The following IGF2R variants were observed in gnomAD, a reference collection of about 807,000 sequenced individuals.
IGF2R encodes insulin like growth factor 2 receptor, also known as cation-independent mannose-6-phosphate receptor.
In IGF2R, 91 loss-of-function variants were observed where a neutral mutation model predicts 270.6. That is an observed-to-expected ratio of 0.34 (90% confidence interval 0.28 to 0.40). IGF2R has a LOEUF of 0.40. Ranked by LOEUF, IGF2R falls within the 10% of genes least tolerant of loss-of-function variation. IGF2R has a pLI of 1.00. For synonymous variants in IGF2R, 1,316 were observed against 1,258.9 expected (o/e 1.05, Z -0.96); for missense variants, 2,805 against 3,188.3 (o/e 0.88, Z 2.90).
chr6:160,088,981 A>G (rs1014416784), intron 42 of IGF2R, 126 bp from the exon 43 acceptor site: 1 of 932,648 alleles, frequency 1.1e-6, no homozygotes, highest in Non-Finnish European at 1.5e-6. Flanking sequence ...ACCCAACTGA[A>G]GTCTCGCAGC....
intron 19 of IGF2R, among the ~76,000 whole-genome samples, chr6:160,056,048 C>T (rs1252870127): frequency 6.6e-6 from 1 of 152,150 alleles, no homozygotes; most frequent in Non-Finnish European, 1.5e-5. Context: ...CATTGTTGCC[C>T]AATCCTGAGC....
At chr6:160,080,026 G>A in intron 38 of IGF2R, 103 bp from the exon 39 acceptor site, 1 of 1,380,332 alleles carries the variant, frequency 7.2e-7, no homozygotes, top group Middle Eastern at 2.3e-4. Context: ...TCACGTAGGT[G>A]CTTTAGGATG....
intron 1 of IGF2R, among the ~76,000 whole-genome samples, chr6:159,984,132 T>C (rs73594473): frequency 0.011 from 1,634 of 152,344 alleles, 28 homozygotes; most frequent in African/African-American, 0.037. Context: ...GGTTCAACCA[T>C]TCTGAGAATT....
chr6:160,077,177 A>T (rs1441934174), intron 36 of IGF2R, among the ~76,000 whole-genome samples: 1 of 152,210 alleles, frequency 6.6e-6, no homozygotes, highest in African/African-American at 2.4e-5. Flanking sequence ...CTTAGAGTGT[A>T]GTGACAGTCC....
At chr6:160,045,626 A>T in intron 13 of IGF2R, 119 bp from the exon 14 acceptor site, 1 of 1,229,818 alleles carries the variant, frequency 8.1e-7, no homozygotes, top group South Asian at 1.2e-5. Context: ...TGACCCTTCT[A>T]TGCATTATAC....
intron 44 of IGF2R, 126 bp downstream of exon 44, chr6:160,090,229 C>G (rs1236222929): frequency 1.7e-6 from 1 of 598,700 alleles, no homozygotes; most frequent in Non-Finnish European, 2.7e-6. Flanking sequence ...TGGTCTAATT[C>G]TTTACTTTGT....
rs1296459279 is a variant in IGF2R, at chr6:159,983,181, T to C, written c.150-8003T>C. On this transcript the variant is annotated intron_variant, in intron 1 of 47. Coordinates refer to ENST00000356956, the MANE Select transcript of IGF2R (RefSeq NM_000876.4). Reference sequence around the variant, plus strand: ...GCAGCTGTGTCGGCCTGGGGCTACATTGACTTCTTCATTGCAGCCCCTCGA... The same window carrying C: ...GCAGCTGTGTCGGCCTGGGGCTACACTGACTTCTTCATTGCAGCCCCTCGA... Among the ~76,000 whole-genome samples the C allele has an allele frequency of 2.0e-5, 3 of 152,334 alleles. No homozygotes were observed. The South Asian group carries it at 6.2e-4, about 32-fold the overall frequency.
chr6:160,083,807 G>A, intron 39 of IGF2R, 143 bp from the exon 40 acceptor site: 2 of 645,238 alleles, frequency 3.1e-6, no homozygotes, highest in Non-Finnish European at 5.4e-6. Flanking sequence ...GAGTGGCTGG[G>A]GCAAAGCTAC....
chr6:160,094,487 G>C (rs1180810795), intron 44 of IGF2R: 1 of 156,028 alleles, frequency 6.4e-6, no homozygotes, highest in Non-Finnish European at 1.4e-5. Flanking sequence ...TCTGCTTTTT[G>C]TGAAGCCTCA....
intron 37 of IGF2R, among the ~76,000 whole-genome samples, chr6:160,079,085 C>T (rs760791521): frequency 1.3e-5 from 2 of 152,208 alleles, no homozygotes; most frequent in Non-Finnish European, 2.9e-5. Context: ...AACACCCTGG[C>T]TCCTGTGATG....
rs1779712636 is a variant in IGF2R at position 160,110,125 on chromosome 6, C to T, written c.*5041C>T. 6.6e-6 allele frequency: 1 copy of T among 152,276 alleles called. No homozygotes were observed. Among genetic ancestry groups the T allele is most frequent in the East Asian group, 1.9e-4 (1 of 5,188 alleles). 9.4% of individuals were successfully genotyped at this position (152,276 alleles called of 1,614,324 possible). ...ACGTGAAATCACAATAGAAAATGGC[C>T]AGCAGGCCTCCAGGTAGGCAGCAAT... On this transcript the variant is annotated 3_prime_UTR_variant, in exon 48 of 48. Transcript: ENST00000356956.
chr6:160,076,221 A>G (rs994166435), intron 36 of IGF2R, among the ~76,000 whole-genome samples: 1 of 152,240 alleles, frequency 6.6e-6, no homozygotes, highest in Non-Finnish European at 1.5e-5. Flanking sequence ...TAATTTAAAA[A>G]CATAGAACAC....
chr6:160,091,378 A>G (rs1462196886), intron 44 of IGF2R, among the ~76,000 whole-genome samples: 3 of 149,662 alleles, frequency 2.0e-5, no homozygotes, highest in African/African-American at 7.4e-5. Context: ...TGCTGAGCGC[A>G]TCGCCGAGAA....
At position 160,040,735 on chromosome 6, in the gene IGF2R, C is replaced by T; in HGVS notation, c.1480+11C>T. ...TGGTCCGCCATGCAGGTACTGCCCT[C>T]CTTGCCATGCGGGTCTTAGTCCACA... On this transcript the variant is annotated intron_variant, in intron 11 of 47. Transcript: ENST00000356956. The T allele has an allele frequency of 6.2e-7, 1 of 1,606,462 alleles. No individual in the cohort carries two copies. The highest frequency in any genetic ancestry group is 8.5e-7 in the Non-Finnish European group (1 of 1,175,020).
intron 1 of IGF2R, among the ~76,000 whole-genome samples, chr6:159,979,463 C>G (rs951744378): frequency 1.3e-5 from 2 of 152,200 alleles, no homozygotes; most frequent in African/African-American, 2.4e-5. Context: ...CAGCACTTCT[C>G]TCTTCTCTTT....
rs928371050 is a variant in IGF2R, at chr6:160,109,472, T to C, written c.*4388T>C. 1.3e-4 allele frequency: 20 copies of C among 152,378 alleles called. No homozygotes were observed. Among genetic ancestry groups the C allele is most frequent in the Non-Finnish European group, 2.1e-4 (14 of 68,040 alleles). The allele number at this position is 152,378 out of a possible 1,614,324, so 9.4% of individuals were successfully genotyped here. A position where few individuals can be genotyped will look rare whatever the true frequency, so the allele number is the denominator to read the frequency against. ...ACAGAACAAAGAACTATTTTTTCCCTGAATCATTTGAGACTAAGTTCCCTC... is the reference window on the plus strand; with the variant it reads ...ACAGAACAAAGAACTATTTTTTCCCCGAATCATTTGAGACTAAGTTCCCTC... On this transcript the variant is annotated 3_prime_UTR_variant, in exon 48 of 48. Transcript: ENST00000356956.
chr6:160,052,189 G>A (rs1778215045), intron 19 of IGF2R, among the ~76,000 whole-genome samples: 1 of 152,142 alleles, frequency 6.6e-6, no homozygotes, highest in African/African-American at 2.4e-5. Context: ...TGGCAACAGA[G>A]CAAGATCCTG....
Position 160,072,183 on chromosome 6 carries a change from C to T in IGF2R, c.4570+147C>T. 1.5e-5 allele frequency: 14 copies of T among 931,220 alleles called. No individual in the cohort carries two copies. The South Asian group carries it at 2.2e-4, about 15-fold the overall frequency. 57.7% of individuals were successfully genotyped at this position (931,220 alleles called of 1,614,324 possible). On this transcript the variant is annotated intron_variant, in intron 32 of 47. Coordinates refer to ENST00000356956, the MANE Select transcript of IGF2R (RefSeq NM_000876.4). ...TGTCATGGTGTGTGGGTGTGTTTGG[C>T]CTTTCTCTGGATGGGCTGCTGTGTG...
chr6:160,050,750 G>A lies in IGF2R; in HGVS notation c.2694+98G>A. On this transcript the variant is annotated intron_variant, in intron 19 of 47. Transcript: ENST00000356956. The surrounding 1 kb of genome is among the most constrained non-coding windows in gnomAD (Gnocchi z 4.0). ...AACAGCAGCAGTCTTGGGGTGGGTG[G>A]CGGAGCTAGGCCAGTCTTAGTTCTG... 9.3e-7 allele frequency: 1 copy of A among 1,071,250 alleles called. No individual in the cohort carries two copies. The highest frequency in any genetic ancestry group is 1.3e-6 in the Non-Finnish European group (1 of 750,944). The allele number at this position is 1,071,250 out of a possible 1,614,324, so 66.4% of individuals were successfully genotyped here.
Sources: allele counts gnomAD v4.1 joint callset (sites outside exome capture counted in the v4.1 genomes callset), GRCh38; gene constraint gnomAD v4.1.1; non-coding constraint Gnocchi (gnomAD v3.1); transcripts MANE v1.5; gene names NCBI Gene and HGNC (gene_info 2026-07-23, HGNC 2026-07-21).